The following SVIL variants were observed in gnomAD, a reference collection of about 807,000 sequenced individuals.
The protein encoded by SVIL is supervillin.
Under a neutral mutation model 240.4 loss-of-function variants are expected in SVIL, and 101 were observed. That is an observed-to-expected ratio of 0.42 (90% CI 0.36 to 0.50). SVIL has a LOEUF of 0.50. Ranked by LOEUF, SVIL falls within the 20% of genes least tolerant of loss-of-function variation. SVIL has a pLI of 0.01. For synonymous variants in SVIL, 999 were observed against 1,100.0 expected (o/e 0.91, Z 1.82); for missense variants, 2,512 against 2,818.7 (o/e 0.89, Z 2.46).
chr10:29,691,248 G>C (rs981212065), intron 1 of SVIL, among the ~76,000 whole-genome samples: 1 of 143,792 alleles, frequency 7.0e-6, no homozygotes, highest in African/African-American at 2.6e-5. Context: ...GTCTCACTCT[G>C]TCGCCCAGGC....
Position 29,523,970 on chromosome 10 carries a change from C to G in SVIL, c.2644G>C (p.Val882Leu). 1 of 1,614,140 alleles carries G rather than the reference C, an allele frequency of 6.2e-7. No individual in the cohort carries two copies. The highest frequency in any genetic ancestry group is 8.5e-7 in the Non-Finnish European group (1 of 1,180,028). The change falls in exon 15 of 38, where the codon GTA becomes CTA. Residue 882 changes from valine to leucine, a missense_variant. Val to Leu is a conservative substitution (Grantham distance 32). Transcript: ENST00000355867. ...SPAVNTSVST[V>L]ASTVAPMYAG... ...TACATTGGAGCAACCGTGGATGCTA[C>G]GGTAGACACTGATGTGTTCACGGCA...
chr10:29,671,730 T>C (rs1461325364), intron 2 of SVIL, among the ~76,000 whole-genome samples: 1 of 152,186 alleles, frequency 6.6e-6, no homozygotes, highest in Non-Finnish European at 1.5e-5. Context: ...ACATATCATC[T>C]CTATTCCTAT....
chr10:29,485,049 C>A (rs1012940151), intron 26 of SVIL, among the ~76,000 whole-genome samples: 1 of 152,008 alleles, frequency 6.6e-6, no homozygotes, highest in African/African-American at 2.4e-5. Context: ...TCCCAGTGTC[C>A]TAAGTGGCCA....
chr10:29,523,840 A>G lies in SVIL; in HGVS notation c.2774T>C (p.Ile925Thr), dbSNP rs180819577. 1,399 of 1,614,178 alleles carry G rather than the reference A, an allele frequency of 8.7e-4. 14 individuals are homozygous for G. Among genetic ancestry groups the G allele is most frequent in the Non-Finnish European group, 5.6e-5 (66 of 1,180,036 alleles). ...IENSDSPVRS[I>T]LKSQAWQPLV... is the part of the protein sequence containing the mutation. ...AGGCTGCCAAGCTTGCGATTTCAGAATGCTTCTAACTGGAGAGTCCGAATT... is the reference window on the plus strand; with the variant it reads ...AGGCTGCCAAGCTTGCGATTTCAGAGTGCTTCTAACTGGAGAGTCCGAATT... The change falls in exon 15 of 38, where the codon ATT becomes ACT. Residue 925 changes from isoleucine (I) to threonine (T), a missense_variant. Around this residue, in one of 3 missense-constraint regions of SVIL, gnomAD observed 1,443 missense variants for 1,486.6 expected, o/e 0.97. Transcript: ENST00000355867.
intron 2 of SVIL, among the ~76,000 whole-genome samples, chr10:29,683,478 A>T (rs1438477222): frequency 6.6e-6 from 1 of 152,216 alleles, no homozygotes; most frequent in Non-Finnish European, 1.5e-5. Context: ...GGGTATCATG[A>T]GGCATGTCTG....
intron 34 of SVIL, among the ~76,000 whole-genome samples, chr10:29,463,837 GC>G (rs1944562139): frequency 6.6e-6 from 1 of 152,226 alleles, no homozygotes; most frequent in African/African-American, 2.4e-5. Context: ...ACGGGGAGAA[GC>G]CTGTAGGCAG....
At chr10:29,501,247 A>G in intron 17 of SVIL, among the ~76,000 whole-genome samples, 1 of 151,080 alleles carries the variant, frequency 6.6e-6, no homozygotes. Flanking sequence ...TGACAATTTT[A>G]AGATGGACGT....
intron 1 of SVIL, among the ~76,000 whole-genome samples, chr10:29,697,134 A>G (rs1304722868): frequency 4.4e-5 from 4 of 90,622 alleles, no homozygotes; most frequent in Non-Finnish European, 6.5e-5. Flanking sequence ...TCCGTCCGGG[A>G]GGGAGGTGGG....
At position 29,523,958 on chromosome 10, in the gene SVIL, C is replaced by T; in HGVS notation, c.2656G>A (p.Val886Ile). Reference sequence around the variant, plus strand: ...AGATCTCCGGCATACATTGGAGCAACCGTGGATGCTACGGTAGACACTGAT... The same window carrying T: ...AGATCTCCGGCATACATTGGAGCAATCGTGGATGCTACGGTAGACACTGAT... ...NTSVSTVAST[V>I]APMYAGDLRT... Residue 886 changes from valine to isoleucine, a missense_variant, in exon 15 of 38, where the codon GTT (valine) becomes ATT (isoleucine). Physicochemically the swap from Val to Ile is conservative, Grantham distance 29. Transcript: ENST00000355867. 3 of 1,614,132 alleles carry T rather than the reference C, an allele frequency of 1.9e-6. No homozygotes were observed. The highest frequency in any genetic ancestry group is 2.5e-6 in the Non-Finnish European group (3 of 1,180,026).
intron 32 of SVIL, chr10:29,468,778 C>CT (rs1237462175): frequency 2.6e-5 from 4 of 152,076 alleles, no homozygotes; most frequent in Non-Finnish European, 5.9e-5. Flanking sequence ...TCTGCAGTCT[C>CT]TAAGTGTGTG....
intron 2 of SVIL, among the ~76,000 whole-genome samples, chr10:29,678,339 A>G (rs1337944350): frequency 6.6e-6 from 1 of 151,860 alleles, no homozygotes; most frequent in Non-Finnish European, 1.5e-5. Flanking sequence ...AGATTCTCAT[A>G]AGGAGCATGC....
At position 29,523,571 on chromosome 10, in the gene SVIL, G is replaced by T. The variant is rs1393370499; in HGVS notation, c.3043C>A (p.Pro1015Thr). The change falls in exon 15 of 38, where the codon CCG becomes ACG. Residue 1015 changes from proline to threonine, a missense_variant. Pro to Thr is a conservative substitution (Grantham distance 38). Transcript: ENST00000355867. ...NPPITHLGDE[P>T]KEFSMAKMNA... ...ATTTTAGCCATGGAAAATTCCTTCGGTTCATCCCCGAGGTGGGTGATGGGA... is the reference window on the plus strand; with the variant it reads ...ATTTTAGCCATGGAAAATTCCTTCGTTTCATCCCCGAGGTGGGTGATGGGA... 1 of 1,614,016 alleles carries T rather than the reference G, an allele frequency of 6.2e-7. No individual in the cohort carries two copies. Among genetic ancestry groups the T allele is most frequent in the African/African-American group, 1.3e-5 (1 of 74,896 alleles).
rs761532219 is a variant in SVIL, at chr10:29,533,522, GC to G, written c.909-65del. On this transcript the variant is annotated intron_variant, in intron 7 of 37. Transcript: ENST00000355867. ...TAACGGCCTCACAGGAGGAAAGCAT[GC>G]GTAGATCACAGATTACCAGTGAATG... 8.8e-4 allele frequency: 1,351 copies of G among 1,533,796 alleles called. 3 individuals carry two copies. Among genetic ancestry groups the G allele is most frequent in the Non-Finnish European group, 9.6e-4 (1,095 of 1,143,370 alleles).
chr10:29,734,384 G>A lies in SVIL; in HGVS notation c.-400+1367C>T, dbSNP rs1017084506. Among the ~76,000 whole-genome samples, 8 of 152,276 alleles carry A rather than the reference G, an allele frequency of 5.3e-5. No individual in the cohort carries two copies. The South Asian group carries it at 1.4e-3, about 28-fold the overall frequency. The stretch of plus-strand genomic sequence containing the variant: ...CCAGCAGTCCATAAAGCGCTCTTCA[G>A]TAACCGACTTTGTCAAAAATAAAAA... On this transcript the variant is annotated intron_variant, in intron 1 of 35. Transcript: ENST00000375400.
intron 5 of SVIL, among the ~76,000 whole-genome samples, chr10:29,553,375 T>G (rs1324348131): frequency 6.6e-6 from 1 of 152,032 alleles, no homozygotes; most frequent in Non-Finnish European, 1.5e-5. Flanking sequence ...GGTCAGGAGT[T>G]CGAGACCAGC....
intron 31 of SVIL, among the ~76,000 whole-genome samples, chr10:29,470,813 G>T (rs890423491): frequency 1.3e-5 from 2 of 152,126 alleles, no homozygotes; most frequent in South Asian, 2.1e-4. Context: ...GATTTTTTTG[G>T]GGGGTGGGGT....
At chr10:29,499,040 C>A (rs1020945504) in intron 18 of SVIL, 76 bp downstream of exon 18, 4 of 1,548,290 alleles carry the variant, frequency 2.6e-6, no homozygotes, top group Non-Finnish European at 3.5e-6. Context: ...CACGTACCAC[C>A]ATGCCCTCCA....
At chr10:29,706,085 G>A (rs1962872534) in intron 1 of SVIL, among the ~76,000 whole-genome samples, 2 of 152,166 alleles carry the variant, frequency 1.3e-5, no homozygotes, top group Non-Finnish European at 2.9e-5. Context: ...TTGGTTCCAT[G>A]TCTTTGCTAT....
chr10:29,534,181 T>C (rs1951579561), intron 7 of SVIL, among the ~76,000 whole-genome samples: 2 of 152,172 alleles, frequency 1.3e-5, no homozygotes, highest in Admixed American at 1.3e-4. Context: ...CCCCCTGTCC[T>C]GCTGTTATGC....
Sources: allele counts gnomAD v4.1 joint callset (sites outside exome capture counted in the v4.1 genomes callset), GRCh38; gene constraint gnomAD v4.1.1; regional missense constraint gnomAD v4.1.1; transcripts MANE v1.5; gene names NCBI Gene and HGNC (gene_info 2026-07-23, HGNC 2026-07-21).